The following TEP1 variants were observed in gnomAD, a reference collection of about 807,000 sequenced individuals.
The protein encoded by TEP1 is telomerase protein component 1.
TEP1 carries 241 observed loss-of-function variants against 306.3 expected under a neutral mutation model. The observed-to-expected ratio is 0.79, with a 90% CI of 0.71 to 0.88. TEP1 has a LOEUF of 0.88. Ranked by LOEUF, TEP1 falls within the 40% of genes least tolerant of loss-of-function variation. The pLI, the probability that TEP1 is intolerant of heterozygous loss-of-function variation, is 0.00. For missense variants in TEP1, 3,051 were observed against 3,276.1 expected, an observed-to-expected ratio of 0.93 and a Z score of 1.68; for synonymous variants, 1,289 against 1,305.5, an observed-to-expected ratio of 0.99 and a Z score of 0.27.
In TEP1 at chr14:20,408,435, T is replaced by G. The variant is rs1594379533; in HGVS notation, c.5A>C (p.Glu2Ala). The change falls in exon 2 of 55, where the codon GAA (glutamate) becomes GCA (alanine). Residue 2 changes from glutamate to alanine, a missense_variant. Glu to Ala is a moderately radical substitution (Grantham distance 107). Around this residue, in one of 3 missense-constraint regions of TEP1, gnomAD observed 1,507 missense variants for 1,550.5 expected, o/e 0.97. Transcript: ENST00000262715. M[E>A]KLHGHVSAHP... ...GGCAGACACATGCCCATGGAGTTTT[T>G]CCATGGCTGAAACTCAGCTTGTATA... The G allele has an allele frequency of 6.2e-7, 1 of 1,611,780 alleles. No individual in the cohort carries two copies. Among genetic ancestry groups the G allele is most frequent in the African/African-American group, 1.3e-5 (1 of 74,888 alleles).
At chr14:20,389,114 C>T (rs1406793042) in intron 17 of TEP1, 124 bp downstream of exon 17, 1 of 896,982 alleles carries the variant, frequency 1.1e-6, no homozygotes, top group Admixed American at 2.3e-5. Flanking sequence ...TGCCACTGCA[C>T]TCCAGCCTGA....
rs577381645 is a variant in TEP1, at chr14:20,404,684, G to A, written c.959C>T (p.Pro320Leu). The A allele has an allele frequency of 1.2e-6, 2 of 1,614,190 alleles. No individual in the cohort carries two copies. The highest frequency in any genetic ancestry group is 1.3e-5 in the African/African-American group (1 of 75,068). ...GGCACAGAAATATCGTCGCAGGTGG[G>A]GGCGACACGCCGGCAAGAAAGCAGC... is the stretch of plus-strand genomic sequence containing the variant. ...AIAAFLPACR[P>L]HLRRYFCAIV... Residue 320 changes from proline to leucine, a missense_variant, in exon 5 of 55, where the codon CCC becomes CTC. Coordinates refer to ENST00000262715, the MANE Select transcript of TEP1 (RefSeq NM_007110.5).
chr14:20,369,662 G>A lies in TEP1; in HGVS notation c.7423+12C>T, dbSNP rs374000057. The A allele has an allele frequency of 8.1e-6, 13 of 1,613,472 alleles. No individual in the cohort carries two copies. The highest frequency in any genetic ancestry group is 1.6e-4 in the Middle Eastern group (1 of 6,062). On this transcript the variant is annotated intron_variant, in intron 52 of 54. Transcript: ENST00000262715. The stretch of plus-strand genomic sequence containing the variant: ...ATCTCCCGGCTCCTCAGGTCCTCCT[G>A]TTACCACTCACCAGATTCAGGTTTG...
intron 18 of TEP1, among the ~76,000 whole-genome samples, chr14:20,387,022 C>A (rs568992106): frequency 7.9e-5 from 12 of 151,470 alleles, no homozygotes; most frequent in Admixed American, 7.9e-4. Flanking sequence ...GCAACCTCTG[C>A]CTCCAGGGTT....
At position 20,382,238 on chromosome 14, in the gene TEP1, T is replaced by G; in HGVS notation, c.4259A>C (p.Glu1420Ala). 2 of 1,614,054 alleles carry G rather than the reference T, an allele frequency of 1.2e-6. No homozygotes were observed. Among genetic ancestry groups the G allele is most frequent in the South Asian group, 2.2e-5 (2 of 91,078 alleles). The change falls in exon 29 of 55, where the codon GAA becomes GCA. Residue 1420 changes from glutamate (E) to alanine (A), a missense_variant. Around this residue, in one of 3 missense-constraint regions of TEP1, gnomAD observed 1,540 missense variants for 1,705.9 expected, o/e 0.90. Transcript: ENST00000262715. Reference protein sequence around the residue: ...DVLPQALTALEVTRSGLTVDQ... With the variant: ...DVLPQALTALAVTRSGLTVDQ... ...CAAGCACTGACCACTCCGTGTGACTTCTAGGGCAGTCAAGGCCTGGGGAAG... is the reference window on the plus strand; with the variant it reads ...CAAGCACTGACCACTCCGTGTGACTGCTAGGGCAGTCAAGGCCTGGGGAAG...
At chr14:20,383,429 G>A (rs1481699745) in intron 26 of TEP1, 59 bp downstream of exon 26, 1 of 1,611,636 alleles carries the variant, frequency 6.2e-7, no homozygotes, top group Non-Finnish European at 8.5e-7. Context: ...TCTCCTCCGT[G>A]CCGTATCCCT....
At position 20,383,166 on chromosome 14, in the gene TEP1, A is replaced by G. The variant is rs1430105919; in HGVS notation, c.4047+8T>C. 4 of 1,587,402 alleles carry G rather than the reference A, an allele frequency of 2.5e-6. No individual in the cohort carries two copies. Among genetic ancestry groups the G allele is most frequent in the Non-Finnish European group, 3.4e-6 (4 of 1,167,700 alleles). On this transcript the variant is annotated splice_region_variant and intron_variant, in intron 27 of 54. Transcript: ENST00000262715. ...CACACACCCACCGGCCCCGGCCTAG[A>G]ACCCAACCTGGTTGTTAAATGGTGA...
At position 20,374,432 on chromosome 14, in the gene TEP1, A is replaced by C; in HGVS notation, c.6468T>G (p.Ala2156=). 2 of 1,611,644 alleles carry C rather than the reference A, an allele frequency of 1.2e-6. No individual in the cohort carries two copies. The highest frequency in any genetic ancestry group is 4.5e-5 in the East Asian group (2 of 44,824). The change falls in exon 44 of 55, where the codon GCT becomes GCG. Residue 2156 remains alanine (A), a synonymous_variant. Coordinates refer to ENST00000262715, the MANE Select transcript of TEP1 (RefSeq NM_007110.5). ...GHQSAVSAVA[A]VEEHVVSVSR... ...GGGATCTCCATTGCTTTCTCACCAC[A>C]GCTGCCACAGCGCTCACAGCACTCT...
At position 20,376,308 on chromosome 14, in the gene TEP1, A is replaced by C. The variant is rs1885174431; in HGVS notation, c.6089-44T>G. On this transcript the variant is annotated intron_variant, in intron 41 of 54. Transcript: ENST00000262715. The stretch of plus-strand genomic sequence containing the variant: ...GAGGGAACAGCTTCCTGAAAGAGGA[A>C]GCCAGACAGGCCCTGGGAGGCCAAA... 3 of 1,591,088 alleles carry C rather than the reference A, an allele frequency of 1.9e-6. No individual in the cohort carries two copies. The South Asian group carries it at 3.4e-5, about 18-fold the overall frequency.
At chr14:20,369,602 G>C in intron 52 of TEP1, 26 bp from the exon 53 acceptor site, 1 of 1,613,570 alleles carries the variant, frequency 6.2e-7, no homozygotes, top group Non-Finnish European at 8.5e-7. Context: ...CAGAATTAGA[G>C]CCAAGTCTCA....
chr14:20,371,573 G>C lies in TEP1; in HGVS notation c.7136C>G (p.Ala2379Gly). 6.2e-7 allele frequency: 1 copy of C among 1,605,108 alleles called. No homozygotes were observed. The highest frequency in any genetic ancestry group is 8.5e-7 in the Non-Finnish European group (1 of 1,178,142). The change falls in exon 50 of 55, where the codon GCT (alanine) becomes GGT (glycine). Residue 2379 changes from alanine (A) to glycine (G), a missense_variant. This residue lies in a region of TEP1 where 1,540 missense variants were observed against 1,705.9 expected (regional missense o/e 0.90). Transcript: ENST00000262715. ...DLGVLTSLDW[A>G]PDGHFLILAK... ...CAAGATGAGAAAGTGACCATCAGGA[G>C]CCCAATCCAGACTTGTCAGCACCCC... is the stretch of plus-strand genomic sequence containing the variant.
intron 48 of TEP1, 59 bp downstream of exon 48, chr14:20,372,952 T>A: frequency 6.2e-7 from 1 of 1,613,562 alleles, no homozygotes; most frequent in Non-Finnish European, 8.5e-7. Flanking sequence ...TAACGCCCAG[T>A]AAATACACAG....
Position 20,391,050 on chromosome 14 carries a change from C to T in TEP1, c.2144G>A (p.Arg715Lys), listed in dbSNP as rs749856919. 4 of 1,614,162 alleles carry T rather than the reference C, an allele frequency of 2.5e-6. No homozygotes were observed. In the South Asian group the frequency reaches 3.3e-5, roughly 13 times the overall value. Residue 715 changes from arginine (R) to lysine (K), a missense_variant, in exon 14 of 55, where the codon AGG becomes AAG. Coordinates refer to ENST00000262715, the MANE Select transcript of TEP1 (RefSeq NM_007110.5). ...ALLLIGMMIT[R>K]AEQVDVVLCG... ...CAGCACGACGTCCACCTGCTCCGCC[C>T]TCGTGATCATCATCCCAATCAACAG...
chr14:20,409,946 A>C (rs979920340), intron 1 of TEP1, among the ~76,000 whole-genome samples: 22 of 140,936 alleles, frequency 1.6e-4, no homozygotes, highest in Non-Finnish European at 2.1e-4. Flanking sequence ...GGCGTGAACC[A>C]GGGAGGCGGA....
At position 20,379,840 on chromosome 14, in the gene TEP1, G is replaced by C. The variant is rs541656715; in HGVS notation, c.5127+90C>G. The stretch of plus-strand genomic sequence containing the variant: ...GTAAAGTTGCTGAATTAATCAGAGT[G>C]ATAACAGGTGTGTTTGGCTCATCTA... On this transcript the variant is annotated intron_variant, in intron 35 of 54. Coordinates refer to ENST00000262715, the MANE Select transcript of TEP1 (RefSeq NM_007110.5). 9 of 1,487,350 alleles carry C rather than the reference G, an allele frequency of 6.1e-6. No homozygotes were observed. The Admixed American group carries it at 9.5e-5, about 16-fold the overall frequency. 92.1% of individuals were successfully genotyped at this position (1,487,350 alleles called of 1,614,324 possible). A position where few individuals can be genotyped will look rare whatever the true frequency, so the allele number is the denominator to read the frequency against.
chr14:20,384,555 C>T (rs1187382113), intron 22 of TEP1, 45 bp downstream of exon 22: 1 of 1,613,828 alleles, frequency 6.2e-7, no homozygotes, highest in Non-Finnish European at 8.5e-7. Context: ...CCCGGCTCCT[C>T]TCACCACATC....
rs1877157093 is a variant in TEP1, at chr14:20,386,449, G to A, written c.2859C>T (p.Asn953=). Residue 953 remains asparagine, a splice_region_variant and synonymous_variant, in exon 19 of 55, where the codon AAC becomes AAT. Coordinates refer to ENST00000262715, the MANE Select transcript of TEP1 (RefSeq NM_007110.5). ...CCTCTTCTCTGCAGCCCCCACACCT[G>A]TTCCTACGGGTCTCCTCCTCAGTGA... ...WGVTEEETRR[N]RQLEVCLGEV... 6.2e-7 allele frequency: 1 copy of A among 1,600,098 alleles called. No homozygotes were observed. Among genetic ancestry groups the A allele is most frequent in the South Asian group, 1.1e-5 (1 of 90,102 alleles).
rs1284235570 is a variant in TEP1, at chr14:20,381,867, G to A, written c.4424+46C>T. ...TACAGAGGGCCCCGGCTCAAAGAAGGGAAGGCACAGAGAGGTCAGCGGGAG... is the reference window on the plus strand; with the variant it reads ...TACAGAGGGCCCCGGCTCAAAGAAGAGAAGGCACAGAGAGGTCAGCGGGAG... On this transcript the variant is annotated intron_variant, in intron 30 of 54. Coordinates refer to ENST00000262715, the MANE Select transcript of TEP1 (RefSeq NM_007110.5). The surrounding 1 kb of genome is among the most constrained non-coding windows in gnomAD (Gnocchi z 4.0). 1.9e-6 allele frequency: 3 copies of A among 1,604,070 alleles called. No individual in the cohort carries two copies. The highest frequency in any genetic ancestry group is 2.6e-6 in the Non-Finnish European group (3 of 1,175,372).
In TEP1 at chr14:20,380,312, C is replaced by A. The variant is rs144107831; in HGVS notation, c.4926G>T (p.Ser1642=). ...PLDSPLCHQA[S]LLSRRWHLQH... is the part of the protein sequence containing the mutation. ...GGAGGTGCCATCTCCGGGAGAGCAG[C>A]GAGGCTTGGTGGCAAAGAGGTGAGT... The change falls in exon 34 of 55, where the codon TCG becomes TCT. Residue 1642 remains serine (S), a synonymous_variant. Coordinates refer to ENST00000262715, the MANE Select transcript of TEP1 (RefSeq NM_007110.5). 3.1e-6 allele frequency: 5 copies of A among 1,613,990 alleles called. No homozygotes were observed. In the African/African-American group the frequency reaches 6.7e-5, roughly 22 times the overall value.
Sources: allele counts gnomAD v4.1 joint callset (sites outside exome capture counted in the v4.1 genomes callset), GRCh38; gene constraint gnomAD v4.1.1; regional missense constraint gnomAD v4.1.1; non-coding constraint Gnocchi (gnomAD v3.1); transcripts MANE v1.5; gene names NCBI Gene and HGNC (gene_info 2026-07-23, HGNC 2026-07-21).